TMEM45A: variants seen among roughly 807,000 people sequenced by gnomAD.
TMEM45A encodes DNA polymerase-transactivated protein 4.
In TMEM45A, 25 loss-of-function variants were observed where a neutral mutation model predicts 32.0. The ratio of observed to expected loss-of-function variants is 0.78; its 90% confidence interval spans 0.57 to 1.09. The LOEUF (loss-of-function observed/expected upper bound fraction) is 1.09, where lower values mean the gene tolerates loss of function less well. Among genes scored for constraint, TMEM45A ranks in the 50% least tolerant of loss-of-function variants. The pLI is 0.00. For missense variants in TMEM45A, 302 were observed against 325.0 expected (o/e 0.93, Z 0.54); for synonymous variants, 122 against 114.8 (o/e 1.06, Z -0.40).
chr3:100,493,371 C>T (rs1475940859), intron 1 of TMEM45A, among the ~76,000 whole-genome samples: 1 of 151,922 alleles, frequency 6.6e-6, no homozygotes, highest in Non-Finnish European at 1.5e-5. Context: ...ACGTTTGCTT[C>T]TGTTAATAGG....
chr3:100,556,114 A>C (rs1706216837), intron 2 of TMEM45A, among the ~76,000 whole-genome samples: 2 of 152,098 alleles, frequency 1.3e-5, no homozygotes, highest in African/African-American at 4.8e-5. Context: ...CCAAGTAGCT[A>C]GGATTACAAG....
At chr3:100,495,683 A>G (rs1314770367) in intron 1 of TMEM45A, among the ~76,000 whole-genome samples, 1 of 152,070 alleles carries the variant, frequency 6.6e-6, no homozygotes, top group Admixed American at 6.5e-5. Flanking sequence ...CACTGCTTCT[A>G]TAACCTCCAT....
intron 1 of TMEM45A, among the ~76,000 whole-genome samples, chr3:100,547,421 A>G (rs1194948612): frequency 6.6e-6 from 1 of 152,166 alleles, no homozygotes; most frequent in East Asian, 1.9e-4. Context: ...CACCTGGCCT[A>G]TGTACTGTAT....
At chr3:100,569,086 G>A in intron 5 of TMEM45A, 119 bp downstream of exon 5, 1 of 1,053,256 alleles carries the variant, frequency 9.5e-7, no homozygotes, top group Non-Finnish European at 1.4e-6. Context: ...CCATAAGACA[G>A]GGTAGCATAG....
At chr3:100,505,341 C>G (rs1708064434) in intron 1 of TMEM45A, among the ~76,000 whole-genome samples, 1 of 152,208 alleles carries the variant, frequency 6.6e-6, no homozygotes, top group Non-Finnish European at 1.5e-5. Context: ...CCACTGTTCT[C>G]CCTAACATCC....
At chr3:100,532,894 A>C (rs776454969) in intron 1 of TMEM45A, among the ~76,000 whole-genome samples, 7 of 152,190 alleles carry the variant, frequency 4.6e-5, no homozygotes, top group Non-Finnish European at 1.0e-4. Flanking sequence ...AGAGATGGGT[A>C]TTTGATAAAT....
intron 1 of TMEM45A, among the ~76,000 whole-genome samples, chr3:100,526,088 G>A (rs971761519): frequency 6.6e-6 from 1 of 152,116 alleles, no homozygotes; most frequent in African/African-American, 2.4e-5. Context: ...TGCCTCCAGC[G>A]TCTTTCTCCC....
intron 2 of TMEM45A, among the ~76,000 whole-genome samples, chr3:100,556,343 G>A (rs1441929584): frequency 1.3e-5 from 2 of 152,152 alleles, no homozygotes; most frequent in Non-Finnish European, 2.9e-5. Flanking sequence ...ATTTTTATCT[G>A]GTACCAAGCA....
chr3:100,515,272 T>G (rs907066738), intron 1 of TMEM45A, among the ~76,000 whole-genome samples: 11 of 151,926 alleles, frequency 7.2e-5, no homozygotes, highest in African/African-American at 2.4e-4. Context: ...ATGTGGCACA[T>G]ATACACCATG....
At chr3:100,504,799 G>A (rs569321410) in intron 1 of TMEM45A, among the ~76,000 whole-genome samples, 76 of 152,292 alleles carry the variant, frequency 5.0e-4, no homozygotes, top group African/African-American at 1.7e-3. Context: ...TTCCAGCAGC[G>A]AGAGCCATGC....
intron 1 of TMEM45A, among the ~76,000 whole-genome samples, chr3:100,508,708 G>C (rs1708112839): frequency 6.6e-6 from 1 of 152,024 alleles, no homozygotes; most frequent in Non-Finnish European, 1.5e-5. Context: ...ATATATTGGG[G>C]AAAGGAAACC....
intron 1 of TMEM45A, among the ~76,000 whole-genome samples, chr3:100,550,167 C>A: frequency 7.0e-6 from 1 of 141,994 alleles, no homozygotes. Flanking sequence ...GCACAATGTG[C>A]ACATGTACCC....
chr3:100,493,475 C>G (rs1707880072), intron 1 of TMEM45A, among the ~76,000 whole-genome samples: 3 of 151,936 alleles, frequency 2.0e-5, no homozygotes. Flanking sequence ...AAATATATAT[C>G]TTTTCGGTAT....
At chr3:100,543,606 T>C (rs1363719547) in intron 1 of TMEM45A, among the ~76,000 whole-genome samples, 1 of 152,222 alleles carries the variant, frequency 6.6e-6, no homozygotes, top group African/African-American at 2.4e-5. Context: ...CAAGGATCTT[T>C]TCATGTGATT....
intron 1 of TMEM45A, among the ~76,000 whole-genome samples, chr3:100,506,017 G>C (rs922664566): frequency 3.9e-5 from 6 of 152,174 alleles, no homozygotes; most frequent in African/African-American, 1.4e-4. Context: ...TGCAGAGGGG[G>C]CCCTCAAGGA....
intron 2 of TMEM45A, among the ~76,000 whole-genome samples, chr3:100,556,200 C>A (rs554109064): frequency 1.4e-4 from 21 of 152,246 alleles, no homozygotes; most frequent in African/African-American, 4.6e-4. Context: ...AGGCTGGTTG[C>A]GAACTCCTGA....
chr3:100,516,907 A>G (rs551108044), intron 1 of TMEM45A, among the ~76,000 whole-genome samples: 3 of 152,166 alleles, frequency 2.0e-5, no homozygotes, highest in African/African-American at 4.8e-5. Context: ...GCATGAGATG[A>G]GTCCTTGTGA....
chr3:100,540,840 A>G (rs1387777746), intron 1 of TMEM45A, among the ~76,000 whole-genome samples: 1 of 152,224 alleles, frequency 6.6e-6, no homozygotes. Context: ...TCTTTTGGGT[A>G]TATACCCAGT....
At chr3:100,538,967 G>C (rs1243614728) in intron 1 of TMEM45A, among the ~76,000 whole-genome samples, 1 of 152,162 alleles carries the variant, frequency 6.6e-6, no homozygotes, top group African/African-American at 2.4e-5. Context: ...AATAAATGGA[G>C]AAATATTCTA....
Sources: allele counts gnomAD v4.1 joint callset (sites outside exome capture counted in the v4.1 genomes callset), GRCh38; gene constraint gnomAD v4.1.1; transcripts MANE v1.5; gene names NCBI Gene and HGNC (gene_info 2026-07-23, HGNC 2026-07-21).